SUPT3H: variants seen among roughly 807,000 people sequenced by gnomAD.
SUPT3H encodes the protein transcription initiation protein SPT3 homolog.
A neutral mutation model predicts 44.3 loss-of-function variants in SUPT3H; 44 were observed. The observed-to-expected ratio is 0.99, with a 90% CI of 0.78 to 1.28. The LOEUF is 1.28. SUPT3H is among the 50% of genes most tolerant of loss of function. The probability of loss-of-function intolerance (pLI) is 0.00; values close to 1 mark genes in which losing one functional copy is unlikely to be tolerated. For synonymous variants in SUPT3H, 124 were observed against 125.6 expected (o/e 0.99, Z 0.09); for missense variants, 380 against 387.1 (o/e 0.98, Z 0.15).
intron 3 of SUPT3H, among the ~76,000 whole-genome samples, chr6:45,104,118 T>TA (rs1798955320): frequency 6.6e-6 from 1 of 152,072 alleles, no homozygotes; most frequent in Non-Finnish European, 1.5e-5. Context: ...AAATGGCAAC[T>TA]AAAATCTGTG....
downstream of SUPT3H, among the ~76,000 whole-genome samples, chr6:44,822,358 A>G (rs771775055): frequency 1.3e-4 from 20 of 152,222 alleles, no homozygotes; most frequent in Non-Finnish European, 2.4e-4. Context: ...CTTTAAGTTC[A>G]GTGGACATGT....
chr6:45,112,825 G>A (rs1800268968), intron 2 of SUPT3H, among the ~76,000 whole-genome samples: 1 of 152,166 alleles, frequency 6.6e-6, no homozygotes, highest in African/African-American at 2.4e-5. Context: ...ATAAAGAGAT[G>A]TTTCTTTACT....
chr6:45,148,310 C>T (rs1806410226), intron 2 of SUPT3H, among the ~76,000 whole-genome samples: 1 of 152,096 alleles, frequency 6.6e-6, no homozygotes, highest in Non-Finnish European at 1.5e-5. Context: ...CCCTATGTTA[C>T]ACAAGAGAAA....
intron 10 of SUPT3H, among the ~76,000 whole-genome samples, chr6:44,884,212 T>A (rs915608608): frequency 2.0e-5 from 3 of 152,180 alleles, no homozygotes; most frequent in Admixed American, 6.5e-5. Context: ...GAACAGATAC[T>A]TCTGAAAAGA....
At chr6:45,162,576 A>G (rs1372564188) in intron 2 of SUPT3H, among the ~76,000 whole-genome samples, 2 of 152,084 alleles carry the variant, frequency 1.3e-5, no homozygotes, top group East Asian at 1.9e-4. Context: ...AGACTCAACA[A>G]ATGGGTATAA....
intron 9 of SUPT3H, among the ~76,000 whole-genome samples, chr6:44,939,089 G>A (rs1176536424): frequency 1.1e-4 from 17 of 152,036 alleles, no homozygotes; most frequent in Non-Finnish European, 2.1e-4. Flanking sequence ...TTCTGGTTAG[G>A]ACTTCCAGTA....
chr6:44,811,160 T>C (rs1036942253), intron 11 of SUPT3H, among the ~76,000 whole-genome samples: 8 of 152,220 alleles, frequency 5.3e-5, no homozygotes, highest in Non-Finnish European at 1.2e-4. Flanking sequence ...ATTACATTTA[T>C]GTCATGTCTC....
intron 3 of SUPT3H, among the ~76,000 whole-genome samples, chr6:45,100,567 C>G (rs75506310): frequency 3.3e-5 from 2 of 60,220 alleles, no homozygotes; most frequent in African/African-American, 7.1e-5. Context: ...AAAAAAAAGA[C>G]ACACAAATAG....
rs141870110 is a variant in SUPT3H, at chr6:45,186,505, C to T, written c.102-80499G>A. Among the ~76,000 whole-genome samples the T allele has an allele frequency of 9.9e-5, 15 of 152,212 alleles. No homozygotes were observed. The East Asian group carries it at 2.5e-3, about 25-fold the overall frequency. On this transcript the variant is annotated intron_variant, in intron 2 of 10. Transcript: ENST00000371459. The stretch of plus-strand genomic sequence containing the variant: ...GAAAATATAATAGCCCAAATGAACT[C>T]GCTGGATGCACTCAATGTTAGAGTG...
intron 2 of SUPT3H, among the ~76,000 whole-genome samples, chr6:45,238,325 A>G (rs1028504158): frequency 1.1e-4 from 17 of 152,190 alleles, no homozygotes. Flanking sequence ...TGACAGTACA[A>G]TTGTGCCACA....
chr6:44,954,341 C>A (rs909187344), intron 8 of SUPT3H, among the ~76,000 whole-genome samples, 154 bp downstream of exon 8: 1 of 152,072 alleles, frequency 6.6e-6, no homozygotes, highest in African/African-American at 2.4e-5. Context: ...AGACACATAA[C>A]TGAACTAAAT....
intron 2 of SUPT3H, among the ~76,000 whole-genome samples, chr6:45,154,510 C>T (rs1285029): frequency 0.87 from 132,259 of 152,122 alleles, 57,749 homozygotes; most frequent in African/African-American, 0.91. Context: ...ACCATGCTCA[C>T]ATAGACTTTT....
intron 3 of SUPT3H, among the ~76,000 whole-genome samples, chr6:45,047,775 C>T (rs940218369): frequency 4.6e-5 from 7 of 152,010 alleles, no homozygotes; most frequent in Admixed American, 6.6e-5. Context: ...ATCTTTTTGA[C>T]GACAGCCATT....
intron 2 of SUPT3H, among the ~76,000 whole-genome samples, chr6:45,277,620 C>T (rs764449281): frequency 1.3e-5 from 2 of 152,124 alleles, no homozygotes; most frequent in Non-Finnish European, 2.9e-5. Flanking sequence ...AAGCATTACC[C>T]TATAGGGACT....
chr6:45,288,611 ATG>A (rs375212664), intron 2 of SUPT3H, among the ~76,000 whole-genome samples: 9,711 of 46,534 alleles, frequency 0.21, 721 homozygotes, highest in East Asian at 0.32. Context: ...ATATATATAT[ATG>A]TATATATATA....
chr6:45,216,196 T>G (rs937611047), intron 2 of SUPT3H, among the ~76,000 whole-genome samples: 19 of 103,892 alleles, frequency 1.8e-4, no homozygotes, highest in Admixed American at 1.0e-3. Flanking sequence ...AAAAGGATGG[T>G]AACTACCATC....
At chr6:45,350,702 C>A (rs1448652985) in intron 2 of SUPT3H, among the ~76,000 whole-genome samples, 2 of 152,122 alleles carry the variant, frequency 1.3e-5, no homozygotes, top group Admixed American at 6.5e-5. Context: ...TTAAAGGAAG[C>A]TTATAAAACA....
At chr6:45,008,131 G>C (rs933022813) in intron 5 of SUPT3H, among the ~76,000 whole-genome samples, 10 of 151,996 alleles carry the variant, frequency 6.6e-5, no homozygotes, top group African/African-American at 2.4e-4. Flanking sequence ...GAATGCTGCT[G>C]CTAACACTCA....
intron 2 of SUPT3H, among the ~76,000 whole-genome samples, chr6:45,187,968 A>C (rs1354003622): frequency 6.6e-6 from 1 of 152,232 alleles, no homozygotes; most frequent in Non-Finnish European, 1.5e-5. Context: ...ATAAGTTTTA[A>C]ATTGCATACC....
Sources: gnomAD v4.1 joint callset for allele counts (sites outside exome capture counted in the v4.1 genomes callset) on GRCh38, gnomAD v4.1.1 for gene constraint, MANE v1.5 for transcripts, NCBI Gene and HGNC (gene_info 2026-07-23, HGNC 2026-07-21) for gene names.